GTPBP10: variants seen among roughly 807,000 people sequenced by gnomAD.
The protein encoded by GTPBP10 is GTP binding protein 10.
Under a neutral mutation model 44.8 loss-of-function variants are expected in GTPBP10, and 38 were observed. That is an observed-to-expected ratio of 0.85 (90% CI 0.65 to 1.11). The LOEUF is 1.11. GTPBP10 is among the 50% of genes most tolerant of loss of function. The pLI is 0.00. For synonymous variants in GTPBP10, 152 were observed against 150.6 expected, an observed-to-expected ratio of 1.01 and a Z score of -0.07; for missense variants, 462 against 453.7, an observed-to-expected ratio of 1.02 and a Z score of -0.17.
rs1562963201 is a variant in GTPBP10, at chr7:90,388,349, TTATGTTACTGAA to T, written c.*3198_*3209del. 6.6e-6 allele frequency: 1 copy of T among 152,158 alleles called. No homozygotes were observed. Among genetic ancestry groups the T allele is most frequent in the East Asian group, 1.9e-4 (1 of 5,200 alleles). 9.4% of individuals were successfully genotyped at this position (152,158 alleles called of 1,614,324 possible). On this transcript the variant is annotated 3_prime_UTR_variant, in exon 10 of 10. Coordinates refer to ENST00000222511, the MANE Select transcript of GTPBP10 (RefSeq NM_033107.4). Reference sequence around the variant, plus strand: ...AATATATGCTTTTTTGAAACACTTATTATGTTACTGAATAACCAGAGTATTAAATTCAATGTA... The same window carrying T: ...AATATATGCTTTTTTGAAACACTTATTAACCAGAGTATTAAATTCAATGTA...
intron 4 of GTPBP10, among the ~76,000 whole-genome samples, chr7:90,360,455 T>C (rs1417463345): frequency 6.6e-6 from 1 of 152,160 alleles, no homozygotes; most frequent in Non-Finnish European, 1.5e-5. Context: ...GTTGAAGATG[T>C]GTGTTATTAT....
chr7:90,381,121 T>C (rs1796428928), intron 8 of GTPBP10, among the ~76,000 whole-genome samples: 1 of 152,240 alleles, frequency 6.6e-6, no homozygotes, highest in South Asian at 2.1e-4. Flanking sequence ...TTTGACATAC[T>C]GATTTTATTT....
chr7:90,370,174 A>G (rs184187824), intron 4 of GTPBP10, among the ~76,000 whole-genome samples: 3 of 152,324 alleles, frequency 2.0e-5, no homozygotes, highest in East Asian at 3.9e-4. Flanking sequence ...AAGTAGAAAT[A>G]TCATTTCATC....
chr7:90,386,968 T>G lies in GTPBP10; in HGVS notation c.*1814T>G, dbSNP rs1456207386. 2 of 152,160 alleles carry G rather than the reference T, an allele frequency of 1.3e-5. No homozygotes were observed. The highest frequency in any genetic ancestry group is 1.3e-4 in the Admixed American group (2 of 15,268). The allele number at this position is 152,160 out of a possible 1,614,324, so 9.4% of individuals were successfully genotyped here. On this transcript the variant is annotated 3_prime_UTR_variant, in exon 10 of 10. Coordinates refer to ENST00000222511, the MANE Select transcript of GTPBP10 (RefSeq NM_033107.4). Reference sequence around the variant, plus strand: ...TTGCAGAAATTTTTTATGTATAAATTTTTACCCAAATGAATTCATTATATA... The same window carrying G: ...TTGCAGAAATTTTTTATGTATAAATGTTTACCCAAATGAATTCATTATATA...
chr7:90,346,789 C>T lies in GTPBP10; in HGVS notation c.33+15C>T. 3.1e-6 allele frequency: 5 copies of T among 1,613,898 alleles called. No homozygotes were observed. The highest frequency in any genetic ancestry group is 4.2e-6 in the Non-Finnish European group (5 of 1,179,876). On this transcript the variant is annotated intron_variant, in intron 1 of 9. Coordinates refer to ENST00000222511, the MANE Select transcript of GTPBP10 (RefSeq NM_033107.4). ...TGTTCAGAAAGGTCCGTGCGGGTCC[C>T]CTCAGCCTGGTCCCCTTAGCGCTGA...
At chr7:90,362,997 C>A (rs1231298024) in intron 4 of GTPBP10, among the ~76,000 whole-genome samples, 1 of 152,076 alleles carries the variant, frequency 6.6e-6, no homozygotes, top group Non-Finnish European at 1.5e-5. Flanking sequence ...ATAAATCTTC[C>A]TCTATCCCTT....
At chr7:90,368,862 G>A (rs1796191371) in intron 4 of GTPBP10, among the ~76,000 whole-genome samples, 1 of 152,174 alleles carries the variant, frequency 6.6e-6, no homozygotes, top group African/African-American at 2.4e-5. Flanking sequence ...TCCTTTGGAG[G>A]AGAATAGGCA....
intron 4 of GTPBP10, among the ~76,000 whole-genome samples, chr7:90,366,768 T>G (rs1796142881): frequency 6.6e-6 from 1 of 152,022 alleles, no homozygotes; most frequent in South Asian, 2.1e-4. Context: ...TTGAAGGGTA[T>G]TTTGTGTCTC....
chr7:90,368,786 A>G (rs535078289), intron 4 of GTPBP10, among the ~76,000 whole-genome samples: 2 of 152,320 alleles, frequency 1.3e-5, no homozygotes, highest in African/African-American at 4.8e-5. Context: ...TCTGAAGTCT[A>G]CTTCTGTTAA....
chr7:90,379,453 C>T (rs1048754713), intron 8 of GTPBP10, among the ~76,000 whole-genome samples: 1 of 152,172 alleles, frequency 6.6e-6, no homozygotes, highest in Non-Finnish European at 1.5e-5. Flanking sequence ...TTTATGAAAT[C>T]TGCAAGTTTA....
chr7:90,347,803 G>A (rs1000732390), intron 1 of GTPBP10, among the ~76,000 whole-genome samples: 9 of 152,198 alleles, frequency 5.9e-5, no homozygotes, highest in African/African-American at 1.9e-4. Context: ...CGTTTAGGTG[G>A]ATTTATGATA....
At chr7:90,381,425 T>C (rs1796434010) in intron 8 of GTPBP10, among the ~76,000 whole-genome samples, 1 of 152,220 alleles carries the variant, frequency 6.6e-6, no homozygotes, top group Admixed American at 6.5e-5. Flanking sequence ...TGGTCATTTG[T>C]TTGTTGTTGA....
rs1359675613 is a variant in GTPBP10 at position 90,388,590 on chromosome 7, CT to C, written c.*3442del. On this transcript the variant is annotated 3_prime_UTR_variant, in exon 10 of 10. Transcript: ENST00000222511. ...TTATTATTTGTCATAACAAGGTGAA[CT>C]TTTTTAAAATGGTAAACATGTATTA... 2.0e-5 allele frequency: 3 copies of C among 151,960 alleles called. No homozygotes were observed. The highest frequency in any genetic ancestry group is 2.9e-5 in the Non-Finnish European group (2 of 67,970). The allele number at this position is 151,960 out of a possible 1,614,324, so 9.4% of individuals were successfully genotyped here.
At chr7:90,378,864 G>A (rs180751660) in intron 8 of GTPBP10, among the ~76,000 whole-genome samples, 18 of 151,952 alleles carry the variant, frequency 1.2e-4, no homozygotes, top group African/African-American at 2.4e-4. Flanking sequence ...CACCACGCCC[G>A]GCTAATTTTT....
chr7:90,366,627 C>T (rs1185306325), intron 4 of GTPBP10, among the ~76,000 whole-genome samples: 1 of 151,760 alleles, frequency 6.6e-6, no homozygotes, highest in Non-Finnish European at 1.5e-5. Flanking sequence ...AGTGATATCC[C>T]CTTTAGCATT....
chr7:90,379,488 TG>T (rs1796398827), intron 8 of GTPBP10, among the ~76,000 whole-genome samples: 1 of 152,212 alleles, frequency 6.6e-6, no homozygotes, highest in Admixed American at 6.5e-5. Context: ...AGTCCTCCTC[TG>T]TAACCCTCTC....
At chr7:90,375,950 G>C (rs1030098627) in intron 6 of GTPBP10, among the ~76,000 whole-genome samples, 2 of 151,832 alleles carry the variant, frequency 1.3e-5, no homozygotes, top group African/African-American at 4.8e-5. Flanking sequence ...CAAGTGGCCG[G>C]GTGTGGTGGC....
chr7:90,356,410 G>T (rs955323440), intron 4 of GTPBP10, among the ~76,000 whole-genome samples: 6 of 152,162 alleles, frequency 3.9e-5, no homozygotes, highest in African/African-American at 1.2e-4. Context: ...GACAAGACTG[G>T]CAGTCCAGCC....
At chr7:90,361,592 C>T (rs1796022296) in intron 4 of GTPBP10, among the ~76,000 whole-genome samples, 1 of 152,242 alleles carries the variant, frequency 6.6e-6, no homozygotes, top group South Asian at 2.1e-4. Flanking sequence ...GTCTAAAATT[C>T]TCTTTTTTGT....
Sources: gnomAD v4.1 joint callset for allele counts (sites outside exome capture counted in the v4.1 genomes callset) on GRCh38, gnomAD v4.1.1 for gene constraint, MANE v1.5 for transcripts, NCBI Gene and HGNC (gene_info 2026-07-23, HGNC 2026-07-21) for gene names.